EHMT1: variants seen among roughly 807,000 people sequenced by gnomAD.
EHMT1 encodes histone-lysine N-methyltransferase EHMT1.
EHMT1 carries 15 observed loss-of-function variants against 147.2 expected under a neutral mutation model. That is an observed-to-expected ratio of 0.10 (90% CI 0.07 to 0.16). The LOEUF is 0.16. Ranked by LOEUF, EHMT1 falls within the 10% of genes least tolerant of loss-of-function variation. The probability of loss-of-function intolerance (pLI) is 1.00; values close to 1 mark genes in which losing one functional copy is unlikely to be tolerated. For missense variants in EHMT1, 1,587 were observed against 1,772.4 expected, an observed-to-expected ratio of 0.90 and a Z score of 1.88; for synonymous variants, 795 against 709.6, an observed-to-expected ratio of 1.12 and a Z score of -1.91.
intron 10 of EHMT1, among the ~76,000 whole-genome samples, chr9:137,765,855 T>A (rs1950185087): frequency 6.6e-6 from 1 of 152,170 alleles, no homozygotes; most frequent in South Asian, 2.1e-4. Context: ...CCCTTCTTTT[T>A]CTTTCAATGT....
chr9:137,714,555 A>ATT lies in EHMT1; in HGVS notation c.86-2049_86-2048dup, dbSNP rs35445261. Among the ~76,000 whole-genome samples the ATT allele has an allele frequency of 5.9e-3, 498 of 84,182 alleles. 9 individuals carry two copies. Among genetic ancestry groups the ATT allele is most frequent in the South Asian group, 0.028 (67 of 2,384 alleles). 55.2% of individuals were successfully genotyped at this position (84,182 alleles called of 152,430 possible). ...GTGCGGAGCTGGATTCAGTTTGCTC[A>ATT]TTTTTTTTTTTTTTTTTTTTTTTAA... On this transcript the variant is annotated intron_variant, in intron 2 of 26. Coordinates refer to ENST00000460843, the MANE Select transcript of EHMT1 (RefSeq NM_024757.5).
At chr9:137,747,496 AAAT>A (rs1431834002) in intron 6 of EHMT1, 10 of 152,262 alleles carry the variant, frequency 6.6e-5, no homozygotes, top group African/African-American at 2.4e-4. Context: ...TGACATATTA[AAAT>A]AATGATTGTA....
At chr9:137,639,933 C>G (rs1046524691) in intron 1 of EHMT1, among the ~76,000 whole-genome samples, 1 of 152,190 alleles carries the variant, frequency 6.6e-6, no homozygotes, top group Non-Finnish European at 1.5e-5. Flanking sequence ...TGCTGGCCTT[C>G]TGTAACCTTA....
At chr9:137,680,223 C>T (rs1001494824) in intron 1 of EHMT1, among the ~76,000 whole-genome samples, 1 of 152,144 alleles carries the variant, frequency 6.6e-6, no homozygotes, top group Non-Finnish European at 1.5e-5. Flanking sequence ...CCCATAATCC[C>T]AGCACTCTGG....
At chr9:137,821,058 T>C (rs192972288) in intron 25 of EHMT1, among the ~76,000 whole-genome samples, 42 of 152,342 alleles carry the variant, frequency 2.8e-4, no homozygotes, top group East Asian at 1.5e-3. Context: ...TTTGTATTTT[T>C]AGTAGAGACA....
intron 4 of EHMT1, among the ~76,000 whole-genome samples, chr9:137,741,167 G>A (rs951254174): frequency 2.0e-5 from 3 of 151,982 alleles, no homozygotes; most frequent in Non-Finnish European, 2.9e-5. Context: ...TAGTAGAGAC[G>A]GGGTTTCACT....
At chr9:137,723,104 G>T (rs1170885064) in intron 3 of EHMT1, among the ~76,000 whole-genome samples, 1 of 141,076 alleles carries the variant, frequency 7.1e-6, no homozygotes, top group Non-Finnish European at 1.6e-5. Flanking sequence ...GCCTGAGCCC[G>T]GGGTGTGTCT....
intron 1 of EHMT1, chr9:137,637,672 A>G (rs1844184525): frequency 6.6e-6 from 1 of 152,168 alleles, no homozygotes; most frequent in African/African-American, 2.4e-5. Context: ...ATTTGGTGCA[A>G]AGGTAATACT....
rs552909685 is a variant in EHMT1, at chr9:137,738,988, A to G, written c.824-4383A>G. Among the ~76,000 whole-genome samples, 42 of 152,224 alleles carry G rather than the reference A, an allele frequency of 2.8e-4. 2 individuals are homozygous for G. In the South Asian group the frequency reaches 8.3e-3, roughly 30 times the overall value. ...GGTAGATAGGGGTGATAGTTGCACA[A>G]CATTCTGAATGTATTTAATACCATG... is the stretch of plus-strand genomic sequence containing the variant. On this transcript the variant is annotated intron_variant, in intron 4 of 26. Coordinates refer to ENST00000460843, the MANE Select transcript of EHMT1 (RefSeq NM_024757.5).
Position 137,710,903 on chromosome 9 carries a change from A to C in EHMT1, c.22-64A>C, listed in dbSNP as rs4072654. On this transcript the variant is annotated intron_variant, in intron 1 of 26. Transcript: ENST00000460843. Reference sequence around the variant, plus strand: ...ACGATTTTTTGACTTTTTCCAAATGATGTCCATTTGGAAAAGCGGCCTCCC... The same window carrying C: ...ACGATTTTTTGACTTTTTCCAAATGCTGTCCATTTGGAAAAGCGGCCTCCC... The C allele has an allele frequency of 0.5, 761,880 of 1,526,628 alleles. 198,962 individuals are homozygous for C. The highest frequency in any genetic ancestry group is 0.86 in the East Asian group (35,492 of 41,052). The allele number at this position is 1,526,628 out of a possible 1,614,324, so 94.6% of individuals were successfully genotyped here.
chr9:137,834,262 C>T, intron 25 of EHMT1, 87 bp from the exon 26 acceptor site: 3 of 1,552,542 alleles, frequency 1.9e-6, no homozygotes, highest in Non-Finnish European at 2.6e-6. Flanking sequence ...CTGCAGGCTC[C>T]GGGACTGCCA....
intron 18 of EHMT1, among the ~76,000 whole-genome samples, chr9:137,804,852 CTG>C (rs565671641): frequency 3.0e-4 from 45 of 152,186 alleles, no homozygotes; most frequent in Non-Finnish European, 5.7e-4. Context: ...AGAATTGACT[CTG>C]TACCATTGCC....
At position 137,782,097 on chromosome 9, in the gene EHMT1, C is replaced by A. The variant is rs952010922; in HGVS notation, c.2276-194C>A. 6.6e-6 allele frequency among the ~76,000 whole-genome samples: 1 copy of A among 152,102 alleles called. No individual in the cohort carries two copies. The highest frequency in any genetic ancestry group is 2.4e-5 in the African/African-American group (1 of 41,404). ...GTTCTGACAGAGGGACCTGCCTGTT[C>A]AATTCCGCAGGAGACTAGCACACTC... On this transcript the variant is annotated intron_variant, in intron 14 of 26. Coordinates refer to ENST00000460843, the MANE Select transcript of EHMT1 (RefSeq NM_024757.5). This position sits in a 1 kb window ranked among gnomAD's most constrained non-coding sequence, Gnocchi z 5.7.
intron 1 of EHMT1, among the ~76,000 whole-genome samples, chr9:137,632,511 C>T (rs765288505): frequency 4.6e-5 from 7 of 152,192 alleles, no homozygotes; most frequent in African/African-American, 9.7e-5. Flanking sequence ...TCGAGCAGTC[C>T]TCCCGCCTCA....
chr9:137,796,656 A>T (rs1354478358), intron 16 of EHMT1, among the ~76,000 whole-genome samples: 1 of 140,600 alleles, frequency 7.1e-6, no homozygotes, highest in Non-Finnish European at 1.5e-5. Flanking sequence ...GTGAGCTGAG[A>T]TCGCACCGCT....
At chr9:137,625,274 C>T (rs1013073618) in intron 1 of EHMT1, among the ~76,000 whole-genome samples, 10 of 152,160 alleles carry the variant, frequency 6.6e-5, no homozygotes, top group African/African-American at 1.9e-4. Context: ...ATTTATCATG[C>T]GTTTAGTGCT....
At position 137,667,814 on chromosome 9, in the gene EHMT1, G is replaced by C. The variant is rs142954470; in HGVS notation, c.22-43153G>C. On this transcript the variant is annotated intron_variant, in intron 1 of 26. Coordinates refer to ENST00000460843, the MANE Select transcript of EHMT1 (RefSeq NM_024757.5). ...ACGCTGTTGTGCTGCTTATCACACG[G>C]GTCTGGCCTTTTTGACATCTGAAAT... Among the ~76,000 whole-genome samples, 17 of 152,222 alleles carry C rather than the reference G, an allele frequency of 1.1e-4. No homozygotes were observed. In the East Asian group the frequency reaches 3.1e-3, roughly 28 times the overall value.
intron 18 of EHMT1, among the ~76,000 whole-genome samples, chr9:137,805,039 T>A (rs1364509217): frequency 6.6e-6 from 1 of 151,658 alleles, no homozygotes; most frequent in African/African-American, 2.4e-5. Context: ...TGCATGTCTG[T>A]CAGTCGTCCA....
At chr9:137,738,490 C>A (rs1947753378) in intron 4 of EHMT1, 1 of 152,132 alleles carries the variant, frequency 6.6e-6, no homozygotes, top group Non-Finnish European at 1.5e-5. Context: ...GTGAAAAACT[C>A]AAAAAACTAA....
Sources: gnomAD v4.1 joint callset for allele counts (sites outside exome capture counted in the v4.1 genomes callset) on GRCh38, gnomAD v4.1.1 for gene constraint, Gnocchi (gnomAD v3.1) non-coding constraint, MANE v1.5 for transcripts, NCBI Gene and HGNC (gene_info 2026-07-23, HGNC 2026-07-21) for gene names.